The following IPO7 variants were observed in gnomAD, a reference collection of about 807,000 sequenced individuals.
IPO7 encodes importin-7.
In IPO7, 13 loss-of-function variants were observed where a neutral mutation model predicts 136.4. The ratio of observed to expected loss-of-function variants is 0.10; its 90% CI spans 0.06 to 0.15. The LOEUF (loss-of-function observed/expected upper bound fraction) is 0.15. Ranked by LOEUF, IPO7 falls within the 10% of genes least tolerant of loss-of-function variation. IPO7 has a pLI of 1.00. For synonymous variants in IPO7, 403 were observed against 404.4 expected (o/e 1.00, Z 0.04); for missense variants, 857 against 1,240.6 (o/e 0.69, Z 4.65).
At chr11:9,397,341 A>AAAAAAAAAAAAATATATATATATAT in intron 1 of IPO7, among the ~76,000 whole-genome samples, 23 of 10,750 alleles carry the variant, frequency 2.1e-3, no homozygotes, top group Admixed American at 6.3e-3. Flanking sequence ...TTTAAAAAAA[A>AAAAAAAAAAAAATATATATATATAT]ATATATATAT....
chr11:9,391,597 C>G (rs1381808801), intron 1 of IPO7, among the ~76,000 whole-genome samples: 1 of 152,012 alleles, frequency 6.6e-6, no homozygotes, highest in Non-Finnish European at 1.5e-5. Flanking sequence ...GTTCCACCTA[C>G]TCAGGAGGCT....
At chr11:9,403,986 T>G (rs1854838173) in intron 2 of IPO7, among the ~76,000 whole-genome samples, 1 of 152,174 alleles carries the variant, frequency 6.6e-6, no homozygotes, top group South Asian at 2.1e-4. Flanking sequence ...CTTAGCCTCC[T>G]GAGTAGCTGG....
rs1415562647 is a variant in IPO7, at chr11:9,443,419, C to T, written c.3019+1222C>T. ...ACCAGCCTGACCAACGTGGAGAAAC[C>T]CCATCTCTACTGCAAATACAAAATT... On this transcript the variant is annotated intron_variant, in intron 24 of 24. Coordinates refer to ENST00000379719, the MANE Select transcript of IPO7 (RefSeq NM_006391.3). Among the ~76,000 whole-genome samples the T allele has an allele frequency of 1.3e-5, 2 of 148,948 alleles. 1 individual carries two copies. The highest frequency in any genetic ancestry group is 4.3e-4 in the South Asian group (2 of 4,670).
At chr11:9,441,980 T>G in intron 23 of IPO7, 101 bp from the exon 24 acceptor site, 1 of 568,206 alleles carries the variant, frequency 1.8e-6, no homozygotes, top group Non-Finnish European at 3.2e-6. Context: ...AGATCAGAAT[T>G]TCAGTATTGC....
chr11:9,417,531 T>C (rs1435661560), intron 6 of IPO7, among the ~76,000 whole-genome samples: 3 of 152,152 alleles, frequency 2.0e-5, no homozygotes, highest in Non-Finnish European at 4.4e-5. Context: ...TGGCCAACTT[T>C]TGTAGTTATG....
chr11:9,441,816 C>T (rs925278299), intron 23 of IPO7, among the ~76,000 whole-genome samples: 1 of 152,144 alleles, frequency 6.6e-6, no homozygotes, highest in African/African-American at 2.4e-5. Flanking sequence ...TATATAAGAA[C>T]TAGTTAGGCT....
At chr11:9,439,204 C>T (rs1855426415) in intron 22 of IPO7, among the ~76,000 whole-genome samples, 1 of 152,188 alleles carries the variant, frequency 6.6e-6, no homozygotes, top group Non-Finnish European at 1.5e-5. Context: ...CAACATCTGC[C>T]TCCCGGGTTC....
chr11:9,425,213 A>T lies in IPO7; in HGVS notation c.1286A>T (p.Lys429Ile), dbSNP rs1343818255. Reference protein sequence around the residue: ...LTEPNADPRKKDGALHMIGSL... With the variant: ...LTEPNADPRKIDGALHMIGSL... The stretch of plus-strand genomic sequence containing the variant: ...GAACCAAATGCTGACCCTCGAAAAA[A>T]AGATGGAGCCCTGCATATGATTGGC... Residue 429 changes from lysine to isoleucine, a missense_variant, in exon 12 of 25, where the codon AAA becomes ATA. Transcript: ENST00000379719. The T allele has an allele frequency of 2.5e-6, 4 of 1,612,428 alleles. No individual in the cohort carries two copies. Among genetic ancestry groups the T allele is most frequent in the Non-Finnish European group, 3.4e-6 (4 of 1,179,264 alleles).
chr11:9,393,850 G>GT (rs1455473687), intron 1 of IPO7, among the ~76,000 whole-genome samples: 5 of 152,224 alleles, frequency 3.3e-5, no homozygotes, highest in Non-Finnish European at 5.9e-5. Flanking sequence ...TAAAGTATCA[G>GT]TAACCTTGGA....
Position 9,384,662 on chromosome 11 carries a change from C to A in IPO7, c.-102C>A. 2.1e-6 allele frequency: 2 copies of A among 965,630 alleles called. No individual in the cohort carries two copies. The highest frequency in any genetic ancestry group is 3.1e-6 in the Non-Finnish European group (2 of 650,684). 59.8% of individuals were successfully genotyped at this position (965,630 alleles called of 1,614,324 possible). A position where few individuals can be genotyped will look rare whatever the true frequency, so the allele number is the denominator to read the frequency against. ...TTGGCGCTTCTCTTTCCTTTCGCGC[C>A]GGTTGCCGCTGCGGAGCGCGGCGGG... On this transcript the variant is annotated 5_prime_UTR_variant, in exon 1 of 25. Transcript: ENST00000379719.
chr11:9,413,220 T>C (rs1161798609), intron 4 of IPO7, among the ~76,000 whole-genome samples: 1 of 151,846 alleles, frequency 6.6e-6, no homozygotes, highest in Non-Finnish European at 1.5e-5. Flanking sequence ...TTTTTTGAGA[T>C]TGAGTCTCTC....
chr11:9,440,755 A>T, intron 23 of IPO7, 94 bp downstream of exon 23: 1 of 1,013,986 alleles, frequency 9.9e-7, no homozygotes, highest in Non-Finnish European at 1.5e-6. Context: ...AGGATATCAA[A>T]CCCAGACTAG....
intron 1 of IPO7, among the ~76,000 whole-genome samples, chr11:9,395,230 T>C (rs1854691549): frequency 6.6e-6 from 1 of 152,086 alleles, no homozygotes; most frequent in South Asian, 2.1e-4. Context: ...TAATTAAGCT[T>C]ATTTTATTTT....
intron 6 of IPO7, among the ~76,000 whole-genome samples, chr11:9,418,349 G>C (rs963180231): frequency 2.6e-5 from 4 of 152,134 alleles, no homozygotes; most frequent in Non-Finnish European, 5.9e-5. Flanking sequence ...GATTACAGGT[G>C]TGAGCCACCG....
rs143535792 is a variant in IPO7, at chr11:9,393,937, C to T, written c.84+9090C>T. Among the ~76,000 whole-genome samples the T allele has an allele frequency of 2.0e-4, 30 of 152,118 alleles. No individual in the cohort carries two copies. In the East Asian group the frequency reaches 5.4e-3, roughly 27 times the overall value. On this transcript the variant is annotated intron_variant, in intron 1 of 24. Coordinates refer to ENST00000379719, the MANE Select transcript of IPO7 (RefSeq NM_006391.3). ...CTCTCTCTGTCTCCCAGCTGTAGTG[C>T]AGTGGTGCTATCTCGGCTCACTGCA...
intron 1 of IPO7, among the ~76,000 whole-genome samples, chr11:9,401,227 C>G (rs1283545470): frequency 6.6e-6 from 1 of 151,266 alleles, no homozygotes; most frequent in Non-Finnish European, 1.5e-5. Context: ...AAATATTGTT[C>G]ATGTGAACAT....
chr11:9,435,702 C>T (rs557094825), intron 19 of IPO7, among the ~76,000 whole-genome samples: 85 of 152,258 alleles, frequency 5.6e-4, no homozygotes, highest in African/African-American at 2.0e-3. Flanking sequence ...TATTCCTGAA[C>T]ACTTATTCAT....
chr11:9,437,371 C>T (rs1031384174), intron 20 of IPO7, among the ~76,000 whole-genome samples: 2 of 152,086 alleles, frequency 1.3e-5, no homozygotes, highest in East Asian at 1.9e-4. Context: ...TCTCCTTCCT[C>T]AGCCTCCCAA....
chr11:9,400,907 G>A (rs1312214371), intron 1 of IPO7, among the ~76,000 whole-genome samples: 2 of 151,628 alleles, frequency 1.3e-5, no homozygotes, highest in African/African-American at 2.4e-5. Context: ...ATAGCTGGGC[G>A]CAGGTGGCTC....
Sources: gnomAD v4.1 joint callset for allele counts (sites outside exome capture counted in the v4.1 genomes callset) on GRCh38, gnomAD v4.1.1 for gene constraint, MANE v1.5 for transcripts, NCBI Gene and HGNC (gene_info 2026-07-23, HGNC 2026-07-21) for gene names.